Variants in DNAH10 observed in about 807,000 individuals in gnomAD.
The protein encoded by DNAH10 is dynein axonemal heavy chain 10, also known as axonemal beta dynein heavy chain 10.
Under a neutral mutation model 506.6 loss-of-function variants are expected in DNAH10, and 348 were observed. The ratio of observed to expected loss-of-function variants is 0.69; its 90% confidence interval spans 0.63 to 0.75. The LOEUF (loss-of-function observed/expected upper bound fraction) is 0.75. DNAH10 is among the 30% of genes least tolerant of loss of function. The pLI is 0.00. For missense variants in DNAH10, 5,179 were observed against 5,787.1 expected (o/e 0.89, Z 3.41); for synonymous variants, 2,059 against 2,198.6 (o/e 0.94, Z 1.78).
intron 44 of DNAH10, 106 bp from the exon 45 acceptor site, chr12:123,871,351 C>G: frequency 1.5e-6 from 2 of 1,340,990 alleles, no homozygotes; most frequent in Non-Finnish European, 2.0e-6. Context: ...GGCCTTTGCT[C>G]CTGTTTTTTA....
chr12:123,783,038 ACT>A (rs1353601798), intron 6 of DNAH10, 67 bp from the exon 7 acceptor site: 2 of 1,514,600 alleles, frequency 1.3e-6, no homozygotes. Context: ...CAGCCGGTGA[ACT>A]TGAATGTTTC....
intron 18 of DNAH10, among the ~76,000 whole-genome samples, chr12:123,806,377 G>T (rs187886321): frequency 6.6e-6 from 1 of 152,122 alleles, no homozygotes; most frequent in African/African-American, 2.4e-5. Context: ...TAAGTGACTC[G>T]TCCGGGACCA....
In DNAH10 at chr12:123,929,943, A is replaced by G; in HGVS notation, c.12612+184A>G. The stretch of plus-strand genomic sequence containing the variant: ...TTTGTCCTAAGTGAGCTCTGTTCAC[A>G]TGGAGGTTCCCTGAGCTGGATCCAT... On this transcript the variant is annotated intron_variant, in intron 72 of 78. Transcript: ENST00000673944. 3 of 626,064 alleles carry G rather than the reference A, an allele frequency of 4.8e-6. No individual in the cohort carries two copies. In the Admixed American group the frequency reaches 8.8e-5, roughly 18 times the overall value. 38.8% of individuals were successfully genotyped at this position (626,064 alleles called of 1,614,324 possible). A position where few individuals can be genotyped will look rare whatever the true frequency, so the allele number is the denominator to read the frequency against.
intron 77 of DNAH10, chr12:123,934,186 C>T (rs943837401): frequency 8.6e-6 from 6 of 700,046 alleles, no homozygotes; most frequent in Admixed American, 4.0e-5. Context: ...GGGTCCTCCT[C>T]CCCGGAGACC....
At chr12:123,819,999 C>T (rs567990432) in intron 23 of DNAH10, among the ~76,000 whole-genome samples, 1 of 152,212 alleles carries the variant, frequency 6.6e-6, no homozygotes, top group East Asian at 1.9e-4. Context: ...GCCACTGAGC[C>T]GAGTCCTAAA....
chr12:123,929,181 A>G, intron 70 of DNAH10, 94 bp from the exon 71 acceptor site: 1 of 1,304,196 alleles, frequency 7.7e-7, no homozygotes, highest in Non-Finnish European at 1.1e-6. Context: ...GGCTCCGTAG[A>G]GAGGAAGGAA....
chr12:123,778,074 G>A (rs1309732214), intron 5 of DNAH10, among the ~76,000 whole-genome samples: 11 of 152,054 alleles, frequency 7.2e-5, no homozygotes, highest in African/African-American at 2.7e-4. Context: ...ATGGCTGTGG[G>A]TGTCTGTAGT....
Position 123,767,678 on chromosome 12 carries a change from A to G in DNAH10, c.287A>G (p.Asp96Gly), listed in dbSNP as rs775907154. 6.2e-7 allele frequency: 1 copy of G among 1,611,446 alleles called. No homozygotes were observed. The highest frequency in any genetic ancestry group is 8.5e-7 in the Non-Finnish European group (1 of 1,178,834). The change falls in exon 2 of 79, where the codon GAT (aspartate) becomes GGT (glycine). Residue 96 changes from aspartate to glycine, a missense_variant. By Grantham distance (94) the Asp-to-Gly change is moderately conservative. This residue lies in a region of DNAH10 where 326 missense variants were observed against 330.8 expected (regional missense o/e 0.99). Transcript: ENST00000673944. ...TATTCTCAAAAAGTGGAGTCCGTGG[A>G]TAAAGTGCGAGGTGTGGAGTTGGGA... ...ETYSQKVESV[D>G]KVRAKRVSLR...
chr12:123,933,157 G>A (rs1955298020), intron 76 of DNAH10, among the ~76,000 whole-genome samples, 174 bp from the exon 77 acceptor site: 1 of 152,204 alleles, frequency 6.6e-6, no homozygotes, highest in African/African-American at 2.4e-5. Flanking sequence ...TGATCTACCT[G>A]GAATGTGGCA....
chr12:123,935,108 C>T (rs1955431089), intron 78 of DNAH10: 1 of 605,204 alleles, frequency 1.7e-6, no homozygotes, highest in Non-Finnish European at 2.9e-6. Flanking sequence ...CAGCAGATGT[C>T]TTCTGCTCTG....
Position 123,803,680 on chromosome 12 carries a change from T to C in DNAH10, c.2634T>C (p.Thr878=). The C allele has an allele frequency of 1.2e-6, 2 of 1,602,878 alleles. No homozygotes were observed. Among genetic ancestry groups the C allele is most frequent in the Non-Finnish European group, 8.5e-7 (1 of 1,177,248 alleles). The change falls in exon 17 of 79, where the codon ACT becomes ACC. Residue 878 remains threonine (T), a synonymous_variant. Coordinates refer to ENST00000673944, the MANE Select transcript of DNAH10 (RefSeq NM_001372106.1). The part of the protein sequence containing the change: ...WNSLGIGDYI[T]GCKQAIGKFE... The stretch of plus-strand genomic sequence containing the variant: ...TCAAAGGTATCGGTGACTATATAAC[T>C]GGTTGCAAACAGGCCATTGGGAAAT...
In DNAH10 at chr12:123,916,645, T is replaced by C; in HGVS notation, c.10911T>C (p.Asp3637=). ...TGGGAGACAAGGAAGTGGACTATGA[T>C]TCAAATTTCAGACTGTACCTGAACA... ...IILGDKEVDY[D]SNFRLYLNTK... Residue 3637 remains aspartate, a synonymous_variant, in exon 63 of 79, where the codon GAT becomes GAC. Transcript: ENST00000673944. This position sits in a 1 kb window ranked among gnomAD's most constrained non-coding sequence, Gnocchi z 4.6. The C allele has an allele frequency of 6.2e-7, 1 of 1,613,904 alleles. No individual in the cohort carries two copies. The highest frequency in any genetic ancestry group is 8.5e-7 in the Non-Finnish European group (1 of 1,179,870).
chr12:123,826,732 G>A lies in DNAH10; in HGVS notation c.4225G>A (p.Val1409Met), dbSNP rs118071779. The change falls in exon 25 of 79, where the codon GTG (valine) becomes ATG (methionine). Residue 1409 changes from valine to methionine, a missense_variant. By Grantham distance (21) the Val-to-Met change is conservative. Coordinates refer to ENST00000673944, the MANE Select transcript of DNAH10 (RefSeq NM_001372106.1). ...TCAGACCCTTTGGATCAACCTGAAT[G>A]TGCAGATTCTCCAGGAAGGAATTGA... Reference protein sequence around the residue: ...WSQTLWINLNVQILQEGIEGF... With the variant: ...WSQTLWINLNMQILQEGIEGF... 49 of 1,613,862 alleles carry A rather than the reference G, an allele frequency of 3.0e-5. No homozygotes were observed. The highest frequency in any genetic ancestry group is 4.0e-5 in the Non-Finnish European group (47 of 1,179,784).
intron 18 of DNAH10, among the ~76,000 whole-genome samples, chr12:123,806,024 C>T (rs1349559288): frequency 2.0e-5 from 3 of 152,200 alleles, no homozygotes; most frequent in South Asian, 2.1e-4. Flanking sequence ...GATCCGCCCG[C>T]GTTGGCCTCC....
rs767874854 is a variant in DNAH10 at position 123,804,990 on chromosome 12, C to T, written c.2937C>T (p.Tyr979=). The T allele has an allele frequency of 2.5e-6, 4 of 1,614,092 alleles. No homozygotes were observed. In the South Asian group the frequency reaches 4.4e-5, roughly 18 times the overall value. The change falls in exon 18 of 79, where the codon TAC becomes TAT. Residue 979 remains tyrosine (Y), a synonymous_variant. Coordinates refer to ENST00000673944, the MANE Select transcript of DNAH10 (RefSeq NM_001372106.1). ...TGKAPKLASY[Y]KYWEKKIYEV... is the part of the protein sequence containing the mutation. ...AGGCCCCCAAGCTGGCCTCCTACTA[C>T]AAATACTGGGAAAAGAAAATTTATG...
At position 123,928,495 on chromosome 12, in the gene DNAH10, A is replaced by G. The variant is rs767738179; in HGVS notation, c.12214A>G (p.Arg4072Gly). 6.2e-7 allele frequency: 1 copy of G among 1,611,380 alleles called. No homozygotes were observed. ...WLKDLEKSLE[R>G]ITKPHPDFRL... ...GAAAGATCTGGAGAAGTCCCTGGAGAGGATCACCAAGCCCCACCCAGACTT... is the reference window on the plus strand; with the variant it reads ...GAAAGATCTGGAGAAGTCCCTGGAGGGGATCACCAAGCCCCACCCAGACTT... The change falls in exon 70 of 79, where the codon AGG becomes GGG. Residue 4072 changes from arginine (R) to glycine (G), a missense_variant. Physicochemically the swap from Arg to Gly is moderately radical, Grantham distance 125. Transcript: ENST00000673944. The surrounding 1 kb of genome is among the most constrained non-coding windows in gnomAD (Gnocchi z 4.9).
intron 54 of DNAH10, among the ~76,000 whole-genome samples, chr12:123,897,481 T>C (rs1167748441): frequency 1.3e-5 from 2 of 152,238 alleles, no homozygotes; most frequent in Non-Finnish European, 2.9e-5. Context: ...CCCAGCACTT[T>C]GTGGGGCTGA....
intron 21 of DNAH10, chr12:123,814,403 G>A (rs1959064394): frequency 6.6e-6 from 1 of 152,622 alleles, no homozygotes; most frequent in Non-Finnish European, 1.5e-5. Flanking sequence ...TTCTGATGAT[G>A]AAAGAAAGTC....
chr12:123,793,832 C>G, intron 11 of DNAH10, 110 bp from the exon 12 acceptor site: 1 of 845,746 alleles, frequency 1.2e-6, no homozygotes, highest in Middle Eastern at 4.3e-4. Flanking sequence ...ATTACTTATG[C>G]CATAGAAATC....
Sources: allele counts gnomAD v4.1 joint callset (sites outside exome capture counted in the v4.1 genomes callset), GRCh38; gene constraint gnomAD v4.1.1; regional missense constraint gnomAD v4.1.1; non-coding constraint Gnocchi (gnomAD v3.1); transcripts MANE v1.5; gene names NCBI Gene and HGNC (gene_info 2026-07-23, HGNC 2026-07-21).